DLG2: variants seen among roughly 807,000 people sequenced by gnomAD.
The protein encoded by DLG2 is discs large MAGUK scaffold protein 2.
In DLG2, 45 loss-of-function variants were observed where a neutral mutation model predicts 132.5. That is an observed-to-expected ratio of 0.34 (90% CI 0.27 to 0.44). The LOEUF is 0.44. DLG2 is among the 20% of genes least tolerant of loss of function. The pLI, the probability that DLG2 is intolerant of heterozygous loss-of-function variation, is 1.00. For synonymous variants in DLG2, 424 were observed against 419.6 expected (o/e 1.01, Z -0.13); for missense variants, 1,045 against 1,196.9 (o/e 0.87, Z 1.87).
intron 15 of DLG2, among the ~76,000 whole-genome samples, chr11:83,905,273 GGTC>G (rs1457660542): frequency 6.6e-6 from 1 of 152,040 alleles, no homozygotes; most frequent in Non-Finnish European, 1.5e-5. Context: ...AAGAAATAAG[GGTC>G]ATGATACATA....
At chr11:83,872,331 A>G (rs1467666749) in intron 16 of DLG2, among the ~76,000 whole-genome samples, 1 of 152,178 alleles carries the variant, frequency 6.6e-6, no homozygotes. Flanking sequence ...TAGAGAGGTG[A>G]AGGTCGCTGA....
chr11:85,475,174 TA>T (rs200145418), intron 3 of DLG2, among the ~76,000 whole-genome samples: 4,606 of 151,798 alleles, frequency 0.03, 105 homozygotes, highest in East Asian at 0.095. Context: ...TTTTTAAGTT[TA>T]AAAAGAAACA....
intron 10 of DLG2, among the ~76,000 whole-genome samples, chr11:84,090,761 T>C (rs1208971834): frequency 2.0e-5 from 3 of 152,328 alleles, no homozygotes; most frequent in Middle Eastern, 3.4e-3. Flanking sequence ...AGAAATTCTA[T>C]AGTAGAAATA....
At chr11:85,299,972 T>C (rs1299660696) in intron 3 of DLG2, among the ~76,000 whole-genome samples, 1 of 152,194 alleles carries the variant, frequency 6.6e-6, no homozygotes, top group African/African-American at 2.4e-5. Flanking sequence ...ATGTATGCCA[T>C]AGAATGCCTC....
chr11:84,204,389 T>A (rs2096638670), intron 8 of DLG2, among the ~76,000 whole-genome samples: 1 of 152,306 alleles, frequency 6.6e-6, no homozygotes, highest in South Asian at 2.1e-4. Flanking sequence ...TATTGATTCA[T>A]CTAAACTGTA....
intron 3 of DLG2, among the ~76,000 whole-genome samples, chr11:85,356,317 T>G (rs1040771095): frequency 6.6e-6 from 1 of 152,178 alleles, no homozygotes; most frequent in Non-Finnish European, 1.5e-5. Flanking sequence ...TAACACAGTA[T>G]GATACTTTAT....
At chr11:84,549,277 G>C (rs1373258094) in intron 6 of DLG2, among the ~76,000 whole-genome samples, 2 of 152,194 alleles carry the variant, frequency 1.3e-5, no homozygotes, top group Non-Finnish European at 2.9e-5. Context: ...TCCATTTGAA[G>C]CAAAACTTCA....
At chr11:84,700,423 G>A (rs796946127) in intron 6 of DLG2, among the ~76,000 whole-genome samples, 50 of 151,682 alleles carry the variant, frequency 3.3e-4, no homozygotes, top group African/African-American at 1.1e-3. Flanking sequence ...TTTTGAGAAC[G>A]CTTTCTACAA....
In DLG2 at chr11:84,443,016, C is replaced by T. The variant is rs537158429; in HGVS notation, c.519+91554G>A. On this transcript the variant is annotated intron_variant, in intron 7 of 27. Coordinates refer to ENST00000376104, the MANE Select transcript of DLG2 (RefSeq NM_001142699.3). ...GGCTGCAGATGGATATATTTCTGCA[C>T]CGAAGAAATACCCAGTTATAGATAA... 1.1e-4 allele frequency among the ~76,000 whole-genome samples: 16 copies of T among 152,076 alleles called. No individual in the cohort carries two copies. In the South Asian group the frequency reaches 3.1e-3, roughly 30 times the overall value.
chr11:83,921,356 C>T (rs907390320), intron 15 of DLG2, among the ~76,000 whole-genome samples: 82 of 152,220 alleles, frequency 5.4e-4, no homozygotes, highest in African/African-American at 1.9e-3. Context: ...AATTAATATT[C>T]TAAGTGTAAT....
chr11:84,251,520 T>A (rs961095949), intron 7 of DLG2, among the ~76,000 whole-genome samples: 1 of 152,146 alleles, frequency 6.6e-6, no homozygotes, highest in Non-Finnish European at 1.5e-5. Context: ...AGCATTCATA[T>A]AATTTACATT....
chr11:84,427,588 T>C (rs993730979), intron 7 of DLG2, among the ~76,000 whole-genome samples: 1 of 152,206 alleles, frequency 6.6e-6, no homozygotes, highest in Non-Finnish European at 1.5e-5. Context: ...GTCAGTCCTA[T>C]GCCAGGATAA....
At chr11:85,412,760 C>CACACACACACATATATAT (rs756868795) in intron 3 of DLG2, among the ~76,000 whole-genome samples, 9 of 113,274 alleles carry the variant, frequency 7.9e-5, no homozygotes, top group African/African-American at 3.3e-4. Flanking sequence ...CACACACACA[C>CACACACACACATATATAT]ATATATATAT....
chr11:85,083,258 G>C (rs762392655), intron 6 of DLG2, among the ~76,000 whole-genome samples: 1 of 152,094 alleles, frequency 6.6e-6, no homozygotes, highest in Non-Finnish European at 1.5e-5. Flanking sequence ...TCTCTGAATG[G>C]GGGAGCCTCC....
intron 16 of DLG2, among the ~76,000 whole-genome samples, chr11:83,842,419 C>A (rs1195663869): frequency 2.6e-5 from 4 of 151,130 alleles, no homozygotes; most frequent in African/African-American, 9.7e-5. Context: ...CATGGTGAAA[C>A]CCCATCTCTA....
chr11:84,958,116 C>A (rs1281419536), intron 6 of DLG2, among the ~76,000 whole-genome samples: 1 of 152,096 alleles, frequency 6.6e-6, no homozygotes. Context: ...GCATAGAATG[C>A]ACCCAATATG....
rs549194473 is a variant in DLG2, at chr11:83,727,852, A to G, written c.1825+58838T>C. On this transcript the variant is annotated intron_variant, in intron 18 of 27. Coordinates refer to ENST00000376104, the MANE Select transcript of DLG2 (RefSeq NM_001142699.3). ...AACTATAAATTTAGTGAGATCAAAC[A>G]AAAGGAAGTTCTCTGTAAAGTTAAA... Among the ~76,000 whole-genome samples, 25 of 152,322 alleles carry G rather than the reference A, an allele frequency of 1.6e-4. No individual in the cohort carries two copies. The East Asian group carries it at 4.8e-3, about 29-fold the overall frequency.
intron 6 of DLG2, among the ~76,000 whole-genome samples, chr11:84,541,078 T>G (rs1035030176): frequency 1.3e-5 from 2 of 151,846 alleles, no homozygotes; most frequent in Non-Finnish European, 2.9e-5. Flanking sequence ...CATTAGGAGA[T>G]ATACCTAATG....
intron 6 of DLG2, among the ~76,000 whole-genome samples, chr11:84,853,738 C>T (rs2082436178): frequency 6.6e-6 from 1 of 151,954 alleles, no homozygotes; most frequent in African/African-American, 2.4e-5. Flanking sequence ...CTTCTCACAG[C>T]AAACCATTCC....
Sources: gnomAD v4.1 joint callset for allele counts (sites outside exome capture counted in the v4.1 genomes callset) on GRCh38, gnomAD v4.1.1 for gene constraint, MANE v1.5 for transcripts, NCBI Gene and HGNC (gene_info 2026-07-23, HGNC 2026-07-21) for gene names.